The following PTGER3 variants were observed in gnomAD, a reference collection of about 807,000 sequenced individuals.
PTGER3 encodes prostaglandin E2 receptor EP3 subtype.
In PTGER3, 22 loss-of-function variants were observed where a neutral mutation model predicts 34.7. The observed-to-expected ratio is 0.63, with a 90% CI of 0.45 to 0.91. The LOEUF (loss-of-function observed/expected upper bound fraction) is 0.91, where lower values mean the gene tolerates loss of function less well. PTGER3 is among the 40% of genes least tolerant of loss of function. PTGER3 has a pLI of 0.00. For synonymous variants in PTGER3, 241 were observed against 230.1 expected, an observed-to-expected ratio of 1.05 and a Z score of -0.43; for missense variants, 468 against 519.4, an observed-to-expected ratio of 0.90 and a Z score of 0.96.
rs1054738687 is a variant in PTGER3, at chr1:70,936,293, G to C, written c.*23+17470C>G. ...TGCACACTACAGCCATAGCTGCAGA[G>C]GTAGAAAGTGCACTTTCCAGGTATG... On this transcript the variant is annotated intron_variant, in intron 4 of 4. Transcript: ENST00000370931. Among the ~76,000 whole-genome samples, 158 of 152,094 alleles carry C rather than the reference G, an allele frequency of 1.0e-3. 2 individuals carry two copies. Among genetic ancestry groups the C allele is most frequent in the Admixed American group, 0.01 (155 of 15,258 alleles).
intron 2 of PTGER3, among the ~76,000 whole-genome samples, chr1:70,978,641 C>T (rs1207106207): frequency 6.6e-6 from 1 of 151,954 alleles, no homozygotes; most frequent in Non-Finnish European, 1.5e-5. Context: ...ATTGAAATAA[C>T]AAGAAATAGT....
intron 4 of PTGER3, among the ~76,000 whole-genome samples, chr1:70,892,831 A>T (rs1441233913): frequency 1.5e-5 from 2 of 133,606 alleles, no homozygotes; most frequent in Admixed American, 1.6e-4. Context: ...ACAGAGCAAG[A>T]CTCCTCAAAA....
intron 2 of PTGER3, among the ~76,000 whole-genome samples, chr1:70,974,609 T>C (rs978547153): frequency 6.6e-6 from 1 of 152,136 alleles, no homozygotes; most frequent in Non-Finnish European, 1.5e-5. Context: ...AGACCATGTC[T>C]GATATGACTG....
chr1:71,043,581 A>G (rs1034716876), intron 1 of PTGER3, among the ~76,000 whole-genome samples: 2 of 152,214 alleles, frequency 1.3e-5, no homozygotes, highest in Non-Finnish European at 2.9e-5. Flanking sequence ...TTAGAATAGT[A>G]TCCTACACCC....
chr1:70,902,439 T>C (rs927320211), intron 4 of PTGER3, among the ~76,000 whole-genome samples: 4 of 152,170 alleles, frequency 2.6e-5, no homozygotes, highest in African/African-American at 9.7e-5. Context: ...TCACTATCTG[T>C]ATCTTGAAGA....
At chr1:71,003,767 T>C (rs912360548) in intron 2 of PTGER3, among the ~76,000 whole-genome samples, 4 of 152,222 alleles carry the variant, frequency 2.6e-5, no homozygotes, top group Admixed American at 6.5e-5. Context: ...TACATTGACT[T>C]AGTTCCAGTT....
At chr1:71,034,212 A>T (rs1659635371) in intron 1 of PTGER3, among the ~76,000 whole-genome samples, 1 of 152,196 alleles carries the variant, frequency 6.6e-6, no homozygotes, top group African/African-American at 2.4e-5. Context: ...CAAAACAATG[A>T]TTTATACTAG....
chr1:70,973,249 A>T (rs1653322657), intron 3 of PTGER3, among the ~76,000 whole-genome samples: 1 of 151,390 alleles, frequency 6.6e-6, no homozygotes, highest in Non-Finnish European at 1.5e-5. Context: ...ATAGATAGAT[A>T]GATAGATAGA....
At chr1:70,958,659 T>C (rs1651606170) in intron 2 of PTGER3, among the ~76,000 whole-genome samples, 1 of 152,238 alleles carries the variant, frequency 6.6e-6, no homozygotes, top group Admixed American at 6.5e-5. Context: ...TTTCCTTTGC[T>C]GTACAGAAGC....
At chr1:70,965,437 G>A in intron 2 of PTGER3, among the ~76,000 whole-genome samples, 1 of 152,058 alleles carries the variant, frequency 6.6e-6, no homozygotes. Flanking sequence ...AAAGACGGAG[G>A]GGCAGAATTG....
At chr1:71,008,680 C>T (rs1002242183) in intron 2 of PTGER3, 1 of 981,634 alleles carries the variant, frequency 1.0e-6, no homozygotes, top group Admixed American at 6.2e-5. Flanking sequence ...TGGACTAGGC[C>T]ACAGTTGCAC....
At chr1:70,996,812 C>G (rs912404110) in intron 2 of PTGER3, among the ~76,000 whole-genome samples, 2 of 152,038 alleles carry the variant, frequency 1.3e-5, no homozygotes, top group African/African-American at 4.8e-5. Flanking sequence ...TACAGGCGCC[C>G]GCCACCGCGC....
chr1:70,930,586 TAG>T (rs1648588528), intron 4 of PTGER3, among the ~76,000 whole-genome samples: 1 of 152,084 alleles, frequency 6.6e-6, no homozygotes, highest in East Asian at 1.9e-4. Context: ...TTCACATGGC[TAG>T]GGGGGCCTCA....
chr1:70,915,313 TC>T (rs1424813407), intron 4 of PTGER3, among the ~76,000 whole-genome samples: 1 of 151,884 alleles, frequency 6.6e-6, no homozygotes, highest in Admixed American at 6.6e-5. Context: ...TGTTAAATTA[TC>T]TATGCCTATT....
At chr1:70,913,089 C>T (rs1647096105) in intron 4 of PTGER3, among the ~76,000 whole-genome samples, 2 of 151,844 alleles carry the variant, frequency 1.3e-5, no homozygotes, top group Admixed American at 1.3e-4. Context: ...AGAGGATTTC[C>T]ATCTTAGCAA....
chr1:70,938,591 A>G (rs552091330), intron 4 of PTGER3, among the ~76,000 whole-genome samples: 1 of 152,280 alleles, frequency 6.6e-6, no homozygotes, highest in East Asian at 1.9e-4. Flanking sequence ...AAGGTGGTCT[A>G]ATTGGACTAC....
At chr1:70,953,769 T>A in exon 3 of PTGER3, 1 of 1,474,170 alleles carries the variant, frequency 6.8e-7, no homozygotes, top group East Asian at 2.6e-5. Context: ...TTACTTGCTC[T>A]CTGAGTCTTC....
chr1:70,921,295 C>G (rs887831435), intron 4 of PTGER3, among the ~76,000 whole-genome samples: 1 of 152,216 alleles, frequency 6.6e-6, no homozygotes, highest in Non-Finnish European at 1.5e-5. Context: ...AGTGGCCGCC[C>G]GAACTTTTCA....
intron 2 of PTGER3, chr1:71,006,472 T>C (rs1656977249): frequency 1.0e-6 from 1 of 985,314 alleles, no homozygotes. Flanking sequence ...AGGGTTGTAC[T>C]ATGAGCAAGG....
Sources: gnomAD v4.1 joint callset for allele counts (sites outside exome capture counted in the v4.1 genomes callset) on GRCh38, gnomAD v4.1.1 for gene constraint, MANE v1.5 for transcripts, NCBI Gene and HGNC (gene_info 2026-07-23, HGNC 2026-07-21) for gene names.